Variants in RBM19 observed in about 807,000 individuals in gnomAD.
RBM19 encodes the protein probable RNA-binding protein 19.
A neutral mutation model predicts 116.8 loss-of-function variants in RBM19; 94 were observed. The observed-to-expected ratio is 0.80, with a 90% CI of 0.68 to 0.95. The LOEUF is 0.95. RBM19 is among the 40% of genes least tolerant of loss of function. The pLI is 0.00. For missense variants in RBM19, 1,161 were observed against 1,220.7 expected, an observed-to-expected ratio of 0.95 and a Z score of 0.73; for synonymous variants, 475 against 494.1, an observed-to-expected ratio of 0.96 and a Z score of 0.51.
chr12:113,952,983 G>A (rs1335553003), intron 7 of RBM19, among the ~76,000 whole-genome samples: 1 of 152,066 alleles, frequency 6.6e-6, no homozygotes, highest in Non-Finnish European at 1.5e-5. Flanking sequence ...TTTTGGTTTT[G>A]TTAATTAAAG....
chr12:113,929,387 G>A (rs1339169893), intron 16 of RBM19, among the ~76,000 whole-genome samples: 2 of 152,050 alleles, frequency 1.3e-5, no homozygotes, highest in African/African-American at 4.8e-5. Context: ...CCTCGGATAA[G>A]CCCAGAATCG....
intron 1 of RBM19, among the ~76,000 whole-genome samples, chr12:113,963,626 T>G (rs1171223824): frequency 6.6e-6 from 1 of 152,138 alleles, no homozygotes; most frequent in Non-Finnish European, 1.5e-5. Context: ...AGAATCAAGG[T>G]TTGTGACTCA....
At chr12:113,872,263 G>A (rs1260731242) in intron 21 of RBM19, among the ~76,000 whole-genome samples, 1 of 146,936 alleles carries the variant, frequency 6.8e-6, no homozygotes, top group Non-Finnish European at 1.5e-5. Flanking sequence ...CGCCCCGTCT[G>A]AGAAGTGAGG....
At chr12:113,915,801 C>T (rs972296087) in intron 20 of RBM19, among the ~76,000 whole-genome samples, 33 of 152,200 alleles carry the variant, frequency 2.2e-4, no homozygotes, top group African/African-American at 7.5e-4. Context: ...ATTTAATAAG[C>T]AGACTCAGCA....
At chr12:113,934,062 C>T (rs1869846630) in intron 16 of RBM19, among the ~76,000 whole-genome samples, 2 of 152,210 alleles carry the variant, frequency 1.3e-5, no homozygotes, top group African/African-American at 4.8e-5. Flanking sequence ...AGTGATCCTC[C>T]AACCTCAGCC....
At chr12:113,950,243 G>T in intron 8 of RBM19, 89 bp from the exon 9 acceptor site, 2 of 1,079,188 alleles carry the variant, frequency 1.9e-6, no homozygotes, top group Non-Finnish European at 2.8e-6. Flanking sequence ...TGTGCTAGGA[G>T]CAGAAAGTGA....
At chr12:113,950,014 G>A (rs1208513611) in intron 9 of RBM19, 69 bp downstream of exon 9, 6 of 1,347,738 alleles carry the variant, frequency 4.5e-6, no homozygotes, top group Admixed American at 3.5e-5. Context: ...GTACAAGAAC[G>A]TGTAAAGGAA....
rs1878543697 is a variant in RBM19 at position 113,863,237 on chromosome 12, G to GT, written c.2559-4342_2559-4341insA. On this transcript the variant is annotated intron_variant, in intron 21 of 23. Transcript: ENST00000261741. ...TGTGTGTGTGTGTGTGTGTGTGTGT[G>GT]GGGCCAGCGTATGGGTGGGTGGGGA... 7.4e-5 allele frequency among the ~76,000 whole-genome samples: 9 copies of GT among 121,130 alleles called. No individual in the cohort carries two copies. In the Admixed American group the frequency reaches 7.8e-4, roughly 11 times the overall value. The allele number at this position is 121,130 out of a possible 152,430, so 79.5% of individuals were successfully genotyped here. A position where few individuals can be genotyped will look rare whatever the true frequency, so the allele number is the denominator to read the frequency against.
At chr12:113,945,233 A>G (rs1870914324) in intron 13 of RBM19, among the ~76,000 whole-genome samples, 1 of 152,192 alleles carries the variant, frequency 6.6e-6, no homozygotes, top group African/African-American at 2.4e-5. Flanking sequence ...TTTTAAAGCT[A>G]TGTGATATGG....
At chr12:113,913,216 T>C (rs774286973) in intron 21 of RBM19, among the ~76,000 whole-genome samples, 3 of 152,194 alleles carry the variant, frequency 2.0e-5, no homozygotes, top group Non-Finnish European at 4.4e-5. Flanking sequence ...CCGATCAACA[T>C]GCGCTCTTCT....
chr12:113,857,150 CT>C (rs1028139798), intron 22 of RBM19, among the ~76,000 whole-genome samples: 1 of 152,220 alleles, frequency 6.6e-6, no homozygotes, highest in African/African-American at 2.4e-5. Context: ...GCCCAATCCC[CT>C]TGGATACCCA....
At chr12:113,890,765 C>T (rs1261912186) in intron 21 of RBM19, among the ~76,000 whole-genome samples, 2 of 152,194 alleles carry the variant, frequency 1.3e-5, no homozygotes, top group Non-Finnish European at 1.5e-5. Flanking sequence ...CTGTGTGCTC[C>T]CCAATGCAAA....
In RBM19 at chr12:113,851,331, G is replaced by A. The variant is rs111807677; in HGVS notation, c.2665-6543C>T. Among the ~76,000 whole-genome samples the A allele has an allele frequency of 1.3e-4, 20 of 152,266 alleles. 1 individual carries two copies. The highest frequency in any genetic ancestry group is 7.7e-4 in the East Asian group (4 of 5,184). On this transcript the variant is annotated intron_variant, in intron 22 of 23. Coordinates refer to ENST00000261741, the MANE Select transcript of RBM19 (RefSeq NM_016196.4). ...TAGCTCGCTCAGCTCAGTGCGATTC[G>A]GCTCAAAGTCTCTGGGGAGCTGATT...
chr12:113,869,676 C>T (rs986089625), intron 21 of RBM19, among the ~76,000 whole-genome samples: 19 of 152,006 alleles, frequency 1.2e-4, no homozygotes, highest in Non-Finnish European at 5.9e-5. Context: ...TCGTTATCCT[C>T]AGTACACGAA....
At chr12:113,866,892 A>G (rs1188207838) in intron 21 of RBM19, among the ~76,000 whole-genome samples, 1 of 152,244 alleles carries the variant, frequency 6.6e-6, no homozygotes, top group Non-Finnish European at 1.5e-5. Context: ...ATTGGTAACA[A>G]AGTCAAGACA....
intron 17 of RBM19, 135 bp downstream of exon 17, chr12:113,926,919 G>A (rs1869129121): frequency 9.8e-7 from 1 of 1,016,052 alleles, no homozygotes; most frequent in South Asian, 1.6e-5. Context: ...GGGTCAAGTA[G>A]GTGGTGCTGG....
intron 20 of RBM19, among the ~76,000 whole-genome samples, chr12:113,915,682 A>C (rs542540745): frequency 7.0e-4 from 106 of 152,236 alleles, no homozygotes; most frequent in Non-Finnish European, 1.3e-3. Flanking sequence ...CAAATCCGAC[A>C]CTTAGGATCT....
At chr12:113,912,107 C>T (rs1236891684) in intron 21 of RBM19, among the ~76,000 whole-genome samples, 1 of 152,218 alleles carries the variant, frequency 6.6e-6, no homozygotes, top group African/African-American at 2.4e-5. Context: ...GTGTGGTGCA[C>T]TGAGGCCCGA....
At chr12:113,928,828 A>AGCTC (rs1869357835) in intron 16 of RBM19, among the ~76,000 whole-genome samples, 1 of 152,092 alleles carries the variant, frequency 6.6e-6, no homozygotes, top group Non-Finnish European at 1.5e-5. Flanking sequence ...ATTCGTTTCA[A>AGCTC]GCTCCCCAAT....
Sources: gnomAD v4.1 joint callset for allele counts (sites outside exome capture counted in the v4.1 genomes callset) on GRCh38, gnomAD v4.1.1 for gene constraint, MANE v1.5 for transcripts, NCBI Gene and HGNC (gene_info 2026-07-23, HGNC 2026-07-21) for gene names.